VWA3B: variants seen among roughly 807,000 people sequenced by gnomAD.
VWA3B encodes von Willebrand factor A domain-containing protein 3B.
Under a neutral mutation model 158.3 loss-of-function variants are expected in VWA3B, and 138 were observed. The ratio of observed to expected loss-of-function variants is 0.87; its 90% CI spans 0.76 to 1.00. VWA3B has a LOEUF of 1.00. Ranked by LOEUF, VWA3B falls within the 50% of genes least tolerant of loss-of-function variation. The pLI, the probability that VWA3B is intolerant of heterozygous loss-of-function variation, is 0.00. For missense variants in VWA3B, 1,555 were observed against 1,565.1 expected, an observed-to-expected ratio of 0.99 and a Z score of 0.11; for synonymous variants, 596 against 587.3, an observed-to-expected ratio of 1.01 and a Z score of -0.21.
At position 98,163,464 on chromosome 2, in the gene VWA3B, G is replaced by C. The variant is rs181082673; in HGVS notation, c.1114+488G>C. On this transcript the variant is annotated intron_variant, in intron 8 of 27. Transcript: ENST00000477737. ...GAGGCAGGAGAATGGCTTGAACCCG[G>C]GAGGCAGAGATCACAGTGAGCCGAG... Among the ~76,000 whole-genome samples, 309 of 152,272 alleles carry C rather than the reference G, an allele frequency of 2.0e-3. 1 individual carries two copies. Among genetic ancestry groups the C allele is most frequent in the Non-Finnish European group, 3.2e-3 (219 of 68,028 alleles).
intron 14 of VWA3B, among the ~76,000 whole-genome samples, chr2:98,227,804 G>A (rs369383433): frequency 2.0e-5 from 3 of 152,224 alleles, no homozygotes; most frequent in East Asian, 3.9e-4. Flanking sequence ...GGAGGGTGAC[G>A]AATATGTTCA....
chr2:98,094,349 C>T (rs1682571261), intron 2 of VWA3B, among the ~76,000 whole-genome samples: 1 of 152,152 alleles, frequency 6.6e-6, no homozygotes, highest in East Asian at 1.9e-4. Flanking sequence ...AATGGTATCT[C>T]ATTGTGGTTT....
chr2:98,312,185 A>G lies in VWA3B; in HGVS notation c.3736-15A>G. 1 of 1,614,018 alleles carries G rather than the reference A, an allele frequency of 6.2e-7. No homozygotes were observed. The highest frequency in any genetic ancestry group is 1.1e-5 in the South Asian group (1 of 91,072). ...CCCTAACATCCTTAAGTAATGCTGA[A>G]CTCTGCTTCCCCAGACAGCCCACCT... On this transcript the variant is annotated splice_polypyrimidine_tract_variant and intron_variant, in intron 27 of 27. Coordinates refer to ENST00000477737, the MANE Select transcript of VWA3B (RefSeq NM_144992.5).
downstream of VWA3B, among the ~76,000 whole-genome samples, chr2:98,314,761 G>A (rs961466208): frequency 2.6e-5 from 4 of 152,140 alleles, no homozygotes; most frequent in South Asian, 4.1e-4. Flanking sequence ...GGTGGCTCAC[G>A]CCTGTTATCC....
At chr2:98,248,674 G>C (rs1000542398) in intron 19 of VWA3B, among the ~76,000 whole-genome samples, 2 of 152,082 alleles carry the variant, frequency 1.3e-5, no homozygotes, top group African/African-American at 4.8e-5. Context: ...TCCAGGAGTT[G>C]AACTCCCTCT....
chr2:98,199,856 T>C (rs79396093), intron 12 of VWA3B, among the ~76,000 whole-genome samples: 33 of 152,332 alleles, frequency 2.2e-4, no homozygotes, highest in Non-Finnish European at 4.1e-4. Flanking sequence ...CATTTGAATA[T>C]AAATAAATAT....
chr2:98,163,795 C>T (rs1191193704), intron 8 of VWA3B, among the ~76,000 whole-genome samples: 4 of 152,088 alleles, frequency 2.6e-5, no homozygotes, highest in Non-Finnish European at 5.9e-5. Context: ...GATCAGATGT[C>T]GCCTGGGGGA....
At chr2:98,193,870 G>A (rs986481800) in intron 11 of VWA3B, among the ~76,000 whole-genome samples, 5 of 152,188 alleles carry the variant, frequency 3.3e-5, no homozygotes, top group Non-Finnish European at 5.9e-5. Flanking sequence ...CTACAGGCGT[G>A]AGCCACCGTG....
chr2:98,245,360 T>C (rs757853733), intron 19 of VWA3B: 5 of 351,364 alleles, frequency 1.4e-5, no homozygotes, highest in Non-Finnish European at 2.2e-5. Flanking sequence ...ATGCCCCTTA[T>C]GACCTCATAG....
At chr2:98,152,316 CAG>C (rs1461076585) in intron 7 of VWA3B, among the ~76,000 whole-genome samples, 1 of 152,192 alleles carries the variant, frequency 6.6e-6, no homozygotes, top group Non-Finnish European at 1.5e-5. Context: ...TTTCAATTCT[CAG>C]AAGCTTTCAT....
chr2:98,226,079 C>G (rs927078885), intron 14 of VWA3B, among the ~76,000 whole-genome samples: 1 of 152,024 alleles, frequency 6.6e-6, no homozygotes, highest in Non-Finnish European at 1.5e-5. Flanking sequence ...CATAGTTAAG[C>G]CTATCTGAAA....
intron 10 of VWA3B, among the ~76,000 whole-genome samples, chr2:98,191,450 T>A (rs1421873998): frequency 6.6e-6 from 1 of 152,248 alleles, no homozygotes; most frequent in Non-Finnish European, 1.5e-5. Context: ...TCATTGTATT[T>A]TTATATATGT....
chr2:98,115,994 A>G (rs1674503400), intron 3 of VWA3B, among the ~76,000 whole-genome samples: 1 of 152,108 alleles, frequency 6.6e-6, no homozygotes, highest in African/African-American at 2.4e-5. Context: ...GCACATTACC[A>G]CTTCGTTTTG....
rs569218198 is a variant in VWA3B at position 98,102,472 on chromosome 2, C to T, written c.196+9184C>T. Among the ~76,000 whole-genome samples, 8 of 152,306 alleles carry T rather than the reference C, an allele frequency of 5.3e-5. No homozygotes were observed. The South Asian group carries it at 1.7e-3, about 32-fold the overall frequency. On this transcript the variant is annotated intron_variant, in intron 2 of 27. Transcript: ENST00000477737. ...AGTGGCCAGGCAGAGGTGCTTCTTA[C>T]TTCCCAGACCAGGCGGCCGGGCAGA...
chr2:98,299,037 C>A (rs917169171), intron 24 of VWA3B, among the ~76,000 whole-genome samples: 1 of 152,188 alleles, frequency 6.6e-6, no homozygotes, highest in South Asian at 2.1e-4. Flanking sequence ...CCCTTTGCTA[C>A]CCGGCGTCAG....
Position 98,208,831 on chromosome 2 carries a change from A to C in VWA3B, c.1738-3099A>C, listed in dbSNP as rs1683247281. Reference sequence around the variant, plus strand: ...ATTATGCTTACTTTTATATTTACTCATTCCATTGTTCTTTTTTCTGAAAGT... The same window carrying C: ...ATTATGCTTACTTTTATATTTACTCCTTCCATTGTTCTTTTTTCTGAAAGT... On this transcript the variant is annotated intron_variant, in intron 12 of 27. Transcript: ENST00000477737. Among the ~76,000 whole-genome samples, 4 of 152,178 alleles carry C rather than the reference A, an allele frequency of 2.6e-5. No homozygotes were observed. The South Asian group carries it at 8.3e-4, about 32-fold the overall frequency.
chr2:98,314,677 A>G (rs1691051042), downstream of VWA3B, among the ~76,000 whole-genome samples: 1 of 152,220 alleles, frequency 6.6e-6, no homozygotes, highest in South Asian at 2.1e-4. Flanking sequence ...CATCCAATCA[A>G]AGACTGGCCT....
At chr2:98,320,535 C>CT in the VWA3B span, among the ~76,000 whole-genome samples, 3 of 152,168 alleles carry the variant, frequency 2.0e-5, no homozygotes, top group Non-Finnish European at 4.4e-5. Context: ...CATTGAATGG[C>CT]TTTGACTAAA....
intron 1 of VWA3B, among the ~76,000 whole-genome samples, chr2:98,089,219 G>T (rs1167287775): frequency 6.6e-6 from 1 of 152,104 alleles, no homozygotes; most frequent in Non-Finnish European, 1.5e-5. Flanking sequence ...CTCACACCAA[G>T]TGCCTGCTGC....
Sources: gnomAD v4.1 joint callset for allele counts (sites outside exome capture counted in the v4.1 genomes callset) on GRCh38, gnomAD v4.1.1 for gene constraint, MANE v1.5 for transcripts, NCBI Gene and HGNC (gene_info 2026-07-23, HGNC 2026-07-21) for gene names.